Variants in ZNF469 observed in about 807,000 individuals in gnomAD.
ZNF469 encodes zinc finger protein 469.
Under a neutral mutation model 1.0 loss-of-function variants are expected in ZNF469, and 1 was observed. The observed-to-expected ratio is 1.00, with a 90% CI of 0.35 to 4.73. The LOEUF (loss-of-function observed/expected upper bound fraction) is 4.73, where lower values mean the gene tolerates loss of function less well. ZNF469 is among the 30% of genes most tolerant of loss of function. The pLI is 0.16. For missense variants in ZNF469, 6,100 were observed against 5,356.3 expected, an observed-to-expected ratio of 1.14 and a Z score of -4.33; for synonymous variants, 2,703 against 2,363.4, an observed-to-expected ratio of 1.14 and a Z score of -4.17.
chr16:88,301,249 G>T, the ZNF469 span, among the ~76,000 whole-genome samples: 1 of 151,786 alleles, frequency 6.6e-6, no homozygotes, highest in Non-Finnish European at 1.5e-5. Context: ...TCACCTCCCA[G>T]GTTCACACCA....
the ZNF469 span, among the ~76,000 whole-genome samples, chr16:88,242,414 G>A: frequency 2.0e-3 from 306 of 152,240 alleles, 1 homozygote; most frequent in East Asian, 5.4e-3. Flanking sequence ...TGTCGAGGCC[G>A]CCTTCTCCTT....
At chr16:88,329,372 C>T in the ZNF469 span, among the ~76,000 whole-genome samples, 764 of 152,352 alleles carry the variant, frequency 5.0e-3, 2 homozygotes, top group African/African-American at 5.6e-3. Context: ...GTGTGTGAGA[C>T]GTGATTTAAT....
chr16:88,130,927 G>A, the ZNF469 span, among the ~76,000 whole-genome samples: 115 of 152,334 alleles, frequency 7.5e-4, no homozygotes, highest in Non-Finnish European at 1.3e-3. Context: ...GGCAGAGACA[G>A]GCGGAAGTGG....
the ZNF469 span, among the ~76,000 whole-genome samples, chr16:88,208,581 G>C: frequency 1.7e-5 from 1 of 58,662 alleles, no homozygotes; most frequent in African/African-American, 5.3e-5. Flanking sequence ...GAGGGAAGGA[G>C]AGAGGGAGGG....
intron 1 of ZNF469, among the ~76,000 whole-genome samples, chr16:88,385,112 C>T (rs376501232): frequency 6.6e-6 from 1 of 152,200 alleles, no homozygotes; most frequent in South Asian, 2.1e-4. Context: ...CCCATCCTGC[C>T]ACCTTCCCCT....
chr16:88,302,663 T>A, the ZNF469 span, among the ~76,000 whole-genome samples: 1 of 152,192 alleles, frequency 6.6e-6, no homozygotes, highest in East Asian at 1.9e-4. Flanking sequence ...GAACAGACGT[T>A]GGGAGGAAGG....
chr16:88,334,847 G>A, the ZNF469 span, among the ~76,000 whole-genome samples: 1 of 152,158 alleles, frequency 6.6e-6, no homozygotes, highest in Non-Finnish European at 1.5e-5. Flanking sequence ...GAGGACACAT[G>A]TGACAGAGAC....
chr16:88,395,275 A>G (rs867866703), intron 1 of ZNF469, among the ~76,000 whole-genome samples: 45 of 100,662 alleles, frequency 4.5e-4, no homozygotes, highest in South Asian at 7.0e-4. Context: ...GGATGGATGG[A>G]TGGATGGATG....
chr16:88,184,657 C>G, the ZNF469 span, among the ~76,000 whole-genome samples: 305 of 152,136 alleles, frequency 2.0e-3, 3 homozygotes, highest in African/African-American at 7.0e-3. Flanking sequence ...CGCCGCAAAG[C>G]AGAACCCCCA....
chr16:88,193,051 ATGGTGATGG>A, the ZNF469 span, among the ~76,000 whole-genome samples: 6 of 31,310 alleles, frequency 1.9e-4, no homozygotes, highest in African/African-American at 5.6e-4. Context: ...GGTGGTGATG[ATGGTGATGG>A]TGGTGATGGT....
At position 88,432,926 on chromosome 16, in the gene ZNF469, C is replaced by T; in HGVS notation, c.5456C>T (p.Ala1819Val). 1 of 1,550,412 alleles carries T rather than the reference C, an allele frequency of 6.4e-7. No homozygotes were observed. Among genetic ancestry groups the T allele is most frequent in the South Asian group, 1.2e-5 (1 of 84,068 alleles). The change falls in exon 3 of 3, where the codon GCC (alanine) becomes GTC (valine). Residue 1819 changes from alanine (A) to valine (V), a missense_variant. Ala to Val is a moderately conservative substitution (Grantham distance 64). Transcript: ENST00000565624. ...FQGDGAPPLD[A>V]TWPFGASPSH... Reference sequence around the variant, plus strand: ...GGTGACGGGGCTCCACCTCTGGATGCCACCTGGCCTTTTGGTGCCAGTCCC... The same window carrying T: ...GGTGACGGGGCTCCACCTCTGGATGTCACCTGGCCTTTTGGTGCCAGTCCC...
chr16:88,222,664 G>A, the ZNF469 span, among the ~76,000 whole-genome samples: 1 of 152,132 alleles, frequency 6.6e-6, no homozygotes, highest in Non-Finnish European at 1.5e-5. Context: ...GGCTGAGGCA[G>A]GAGAATCGCT....
rs976247345 is a variant in ZNF469, at chr16:88,428,098, C to A, written c.628C>A (p.Pro210Thr). 2 of 1,548,926 alleles carry A rather than the reference C, an allele frequency of 1.3e-6. No individual in the cohort carries two copies. The highest frequency in any genetic ancestry group is 1.7e-6 in the Non-Finnish European group (2 of 1,146,100). ...SATPRPPAPG[P>T]PQSRGTSPLQ... is the part of the protein sequence containing the mutation. Reference sequence around the variant, plus strand: ...CACCCCCAGGCCCCCAGCCCCGGGGCCCCCCCAGAGCAGGGGCACCAGCCC... The same window carrying A: ...CACCCCCAGGCCCCCAGCCCCGGGGACCCCCCAGAGCAGGGGCACCAGCCC... The change falls in exon 3 of 3, where the codon CCC (proline) becomes ACC (threonine). Residue 210 changes from proline (P) to threonine (T), a missense_variant. Transcript: ENST00000565624.
the ZNF469 span, among the ~76,000 whole-genome samples, chr16:88,241,209 A>G: frequency 6.6e-6 from 1 of 152,116 alleles, no homozygotes; most frequent in Non-Finnish European, 1.5e-5. The surrounding 1 kb of genome is among the most constrained non-coding windows in gnomAD (Gnocchi z 4.8). Context: ...CTCTACTAAA[A>G]TTAGCTAAGT....
At chr16:88,122,232 CTGTCACT>C in the ZNF469 span, among the ~76,000 whole-genome samples, 78 of 149,542 alleles carry the variant, frequency 5.2e-4, 1 homozygote, top group South Asian at 2.3e-3. Context: ...TGATCGCAAC[CTGTCACT>C]CGCTACAGCC....
At chr16:88,330,996 ACCACCATCGTCACCATCACCATCG>A in the ZNF469 span, among the ~76,000 whole-genome samples, 1 of 151,056 alleles carries the variant, frequency 6.6e-6, no homozygotes, top group African/African-American at 2.5e-5. Context: ...CATCACCATC[ACCACCATCGTCACCATCACCATCG>A]CCATCACTAT....
chr16:88,346,813 C>T, the ZNF469 span, among the ~76,000 whole-genome samples: 10,479 of 152,300 alleles, frequency 0.069, 669 homozygotes, highest in African/African-American at 0.16. Flanking sequence ...AGCGAGCTGG[C>T]CCTGGACCTG....
chr16:88,287,775 T>C, the ZNF469 span, among the ~76,000 whole-genome samples: 147 of 152,330 alleles, frequency 9.7e-4, no homozygotes, highest in African/African-American at 3.5e-3. Context: ...GCATTCACGC[T>C]CCAGGCTAGA....
chr16:88,381,996 G>C (rs1000672203), upstream of ZNF469, among the ~76,000 whole-genome samples: 3 of 152,360 alleles, frequency 2.0e-5, no homozygotes, highest in East Asian at 5.8e-4. Context: ...TGCTTGACCT[G>C]CTCCCGGGGG....
Sources: gnomAD v4.1 joint callset for allele counts (sites outside exome capture counted in the v4.1 genomes callset) on GRCh38, gnomAD v4.1.1 for gene constraint, Gnocchi (gnomAD v3.1) non-coding constraint, MANE v1.5 for transcripts, NCBI Gene and HGNC (gene_info 2026-07-23, HGNC 2026-07-21) for gene names.